SLC26A7: variants seen among roughly 807,000 people sequenced by gnomAD.
SLC26A7 encodes anion exchange transporter.
In SLC26A7, 59 loss-of-function variants were observed where a neutral mutation model predicts 82.5. That is an observed-to-expected ratio of 0.72 (90% CI 0.58 to 0.89). The LOEUF (loss-of-function observed/expected upper bound fraction) is 0.89. Among genes scored for constraint, SLC26A7 ranks in the 40% least tolerant of loss-of-function variants. The pLI is 0.00. For missense variants in SLC26A7, 820 were observed against 793.0 expected (o/e 1.03, Z -0.41); for synonymous variants, 271 against 274.3 (o/e 0.99, Z 0.12).
At chr8:91,212,316 T>G (rs1586293151) in intron 1 of SLC26A7, among the ~76,000 whole-genome samples, 1 of 152,006 alleles carries the variant, frequency 6.6e-6, no homozygotes, top group East Asian at 2.0e-4. Flanking sequence ...TTTCATTTCT[T>G]ATAGTTTCGT....
intron 7 of SLC26A7, 67 bp downstream of exon 7, chr8:91,338,299 G>T (rs1813302351): frequency 1.9e-6 from 2 of 1,041,486 alleles, no homozygotes; most frequent in East Asian, 2.6e-5. Context: ...GAAAGGGACA[G>T]GGAGTGAGTG....
At chr8:91,390,088 A>AT (rs1445883846) in intron 16 of SLC26A7, among the ~76,000 whole-genome samples, 40 of 148,814 alleles carry the variant, frequency 2.7e-4, no homozygotes, top group African/African-American at 9.7e-4. Context: ...CACTTCTAAG[A>AT]TTTTTTTACC....
chr8:91,391,860 A>G (rs1400259275), intron 16 of SLC26A7, among the ~76,000 whole-genome samples: 2 of 151,864 alleles, frequency 1.3e-5, no homozygotes, highest in African/African-American at 4.8e-5. Context: ...TTGTTGTTCA[A>G]TTCCATTTTA....
At chr8:91,378,246 C>T (rs1284749282) in intron 15 of SLC26A7, among the ~76,000 whole-genome samples, 2 of 151,280 alleles carry the variant, frequency 1.3e-5, no homozygotes, top group Non-Finnish European at 2.9e-5. Flanking sequence ...AAATCATTAC[C>T]TAAACACTTG....
intron 4 of SLC26A7, among the ~76,000 whole-genome samples, chr8:91,315,632 C>T (rs1007320876): frequency 6.6e-6 from 1 of 152,164 alleles, no homozygotes; most frequent in Non-Finnish European, 1.5e-5. Flanking sequence ...CACATTGGCC[C>T]CCCATATTCT....
chr8:91,351,494 C>T (rs1167724262), intron 9 of SLC26A7, among the ~76,000 whole-genome samples: 1 of 152,072 alleles, frequency 6.6e-6, no homozygotes, highest in Non-Finnish European at 1.5e-5. Context: ...ATTGAAATGT[C>T]ACTTTCACTA....
intron 15 of SLC26A7, among the ~76,000 whole-genome samples, chr8:91,374,062 A>G (rs1814439673): frequency 6.6e-6 from 1 of 151,874 alleles, no homozygotes; most frequent in South Asian, 2.1e-4. Flanking sequence ...CTGTGCTATC[A>G]GTTGTGATGT....
At chr8:91,376,400 C>T (rs1272279016) in intron 15 of SLC26A7, among the ~76,000 whole-genome samples, 1 of 152,124 alleles carries the variant, frequency 6.6e-6, no homozygotes, top group South Asian at 2.1e-4. Context: ...ACATTTTTCA[C>T]TCTTTTTTCC....
chr8:91,323,388 A>G, intron 5 of SLC26A7, among the ~76,000 whole-genome samples: 1 of 152,214 alleles, frequency 6.6e-6, no homozygotes, highest in East Asian at 1.9e-4. Context: ...CAACCATCGT[A>G]GGCCAAACTC....
intron 9 of SLC26A7, among the ~76,000 whole-genome samples, chr8:91,346,287 A>G (rs1042365937): frequency 2.0e-5 from 3 of 152,160 alleles, no homozygotes; most frequent in Non-Finnish European, 4.4e-5. Context: ...CATGGTAGTC[A>G]TTTCAGACCT....
At chr8:91,265,587 C>A (rs575852936) in intron 2 of SLC26A7, among the ~76,000 whole-genome samples, 18 of 151,848 alleles carry the variant, frequency 1.2e-4, no homozygotes, top group Non-Finnish European at 1.9e-4. Context: ...TGATAGACAT[C>A]CTAATTCAGG....
chr8:91,338,552 T>G (rs1813309448), intron 7 of SLC26A7, among the ~76,000 whole-genome samples: 1 of 152,208 alleles, frequency 6.6e-6, no homozygotes, highest in African/African-American at 2.4e-5. Flanking sequence ...TAGTCAGCCC[T>G]ATCTCTTCCC....
In SLC26A7 at chr8:91,339,627, G is replaced by GATTTATTTATTTATTT. The variant is rs60112814; in HGVS notation, c.879-755_879-740dup. ...TCCTGTTTTCTTCTACTGCCTGAGG[G>GATTTATTTATTTATTT]ATTTATTTATTTATTTATTTATTTA... is the stretch of plus-strand genomic sequence containing the variant. On this transcript the variant is annotated intron_variant, in intron 7 of 18. Transcript: ENST00000276609. Among the ~76,000 whole-genome samples, 550 of 147,060 alleles carry GATTTATTTATTTATTT rather than the reference G, an allele frequency of 3.7e-3. 1 individual carries two copies. The highest frequency in any genetic ancestry group is 0.012 in the African/African-American group (476 of 40,082).
intron 11 of SLC26A7, 101 bp from the exon 12 acceptor site, chr8:91,362,252 G>T (rs1428067667): frequency 2.8e-6 from 2 of 726,478 alleles, no homozygotes; most frequent in Non-Finnish European, 4.4e-6. Flanking sequence ...GAAAGATTTG[G>T]TCACAAGAGT....
At chr8:91,223,828 G>T (rs556953019) in intron 2 of SLC26A7, among the ~76,000 whole-genome samples, 3 of 151,898 alleles carry the variant, frequency 2.0e-5, no homozygotes, top group Admixed American at 2.0e-4. Context: ...TCGTAGGTTC[G>T]GTCTTTTAAA....
intron 4 of SLC26A7, among the ~76,000 whole-genome samples, chr8:91,296,094 G>A (rs1025487322): frequency 1.3e-5 from 2 of 152,168 alleles, no homozygotes; most frequent in African/African-American, 2.4e-5. Context: ...CAGATCTCTA[G>A]TGTCCTTCCC....
intron 9 of SLC26A7, among the ~76,000 whole-genome samples, chr8:91,351,546 T>G (rs1202508528): frequency 6.6e-6 from 1 of 152,198 alleles, no homozygotes; most frequent in Non-Finnish European, 1.5e-5. Flanking sequence ...TAAAAGTTGA[T>G]GGTGTCCTGT....
chr8:91,335,880 C>T (rs557167500), intron 6 of SLC26A7, among the ~76,000 whole-genome samples: 9 of 152,230 alleles, frequency 5.9e-5, no homozygotes, highest in South Asian at 2.1e-4. Flanking sequence ...TATGTGGCAG[C>T]GTGGGGAGAC....
At chr8:91,254,724 T>G (rs1011535178) in intron 2 of SLC26A7, among the ~76,000 whole-genome samples, 5 of 152,162 alleles carry the variant, frequency 3.3e-5, no homozygotes, top group African/African-American at 9.6e-5. Context: ...AAAAGAAACT[T>G]CAGGTCCTTC....
Sources: gnomAD v4.1 joint callset for allele counts (sites outside exome capture counted in the v4.1 genomes callset) on GRCh38, gnomAD v4.1.1 for gene constraint, MANE v1.5 for transcripts, NCBI Gene and HGNC (gene_info 2026-07-23, HGNC 2026-07-21) for gene names.